The following SYTL2 variants were observed in gnomAD, a reference collection of about 807,000 sequenced individuals.
SYTL2 encodes the protein synaptotagmin-like protein 2.
SYTL2 carries 165 observed loss-of-function variants against 198.7 expected under a neutral mutation model. The ratio of observed to expected loss-of-function variants is 0.83; its 90% CI spans 0.73 to 0.94. SYTL2 has a LOEUF of 0.94. Ranked by LOEUF, SYTL2 falls within the 40% of genes least tolerant of loss-of-function variation. The probability of loss-of-function intolerance (pLI) is 0.00; values close to 1 mark genes in which losing one functional copy is unlikely to be tolerated. For missense variants in SYTL2, 2,835 were observed against 2,582.8 expected, an observed-to-expected ratio of 1.10 and a Z score of -2.12; for synonymous variants, 966 against 917.7, an observed-to-expected ratio of 1.05 and a Z score of -0.95.
chr11:85,737,561 T>A lies in SYTL2; in HGVS notation c.471+14A>T, dbSNP rs899217802. 1.2e-6 allele frequency: 2 copies of A among 1,602,810 alleles called. No homozygotes were observed. Among genetic ancestry groups the A allele is most frequent in the African/African-American group, 2.7e-5 (2 of 74,644 alleles). On this transcript the variant is annotated intron_variant, in intron 5 of 19. Coordinates refer to ENST00000359152, the MANE Select transcript of SYTL2 (RefSeq NM_206927.4). ...TAACAAATACAAGATTTTCAAAATC[T>A]GGGCTCAGTCTACCTTCTCTGGAGA...
chr11:85,705,808 T>A (rs1268311708), intron 15 of SYTL2, among the ~76,000 whole-genome samples: 1 of 152,190 alleles, frequency 6.6e-6, no homozygotes, highest in African/African-American at 2.4e-5. Flanking sequence ...TTCCTGAGTA[T>A]AGGGTTGAAG....
At chr11:85,837,226 A>G in the SYTL2 span, among the ~76,000 whole-genome samples, 1 of 152,190 alleles carries the variant, frequency 6.6e-6, no homozygotes, top group African/African-American at 2.4e-5. Flanking sequence ...CCACAATGTG[A>G]TTGTATTTTG....
chr11:85,842,220 C>T, the SYTL2 span, among the ~76,000 whole-genome samples: 2 of 152,164 alleles, frequency 1.3e-5, no homozygotes, highest in African/African-American at 2.4e-5. Flanking sequence ...TGCCCATATC[C>T]CCTCAGCATT....
the SYTL2 span, among the ~76,000 whole-genome samples, chr11:85,842,961 T>C: frequency 3.9e-5 from 6 of 152,110 alleles, no homozygotes; most frequent in Non-Finnish European, 7.4e-5. Context: ...TGGATGAAAA[T>C]TAATGACTCG....
intron 2 of SYTL2, among the ~76,000 whole-genome samples, chr11:85,752,498 T>C (rs890730589): frequency 3.3e-5 from 5 of 152,182 alleles, no homozygotes; most frequent in Admixed American, 1.3e-4. Context: ...CTAAGATGGC[T>C]GTCACACTTC....
chr11:85,769,501 A>G (rs2153576044), intron 1 of SYTL2, among the ~76,000 whole-genome samples: 1 of 152,328 alleles, frequency 6.6e-6, no homozygotes, highest in South Asian at 2.1e-4. Context: ...TGATCTCTTG[A>G]TTTTAGCCTG....
At chr11:85,743,573 G>C (rs2090950181) in intron 4 of SYTL2, among the ~76,000 whole-genome samples, 1 of 152,144 alleles carries the variant, frequency 6.6e-6, no homozygotes, top group African/African-American at 2.4e-5. Flanking sequence ...AGGAAATTCT[G>C]TTCTGATTTA....
At chr11:85,721,623 C>T (rs2153455642) in intron 8 of SYTL2, among the ~76,000 whole-genome samples, 1 of 152,214 alleles carries the variant, frequency 6.6e-6, no homozygotes, top group East Asian at 1.9e-4. Context: ...TTTATTACTG[C>T]TGTATTCTCA....
At chr11:85,814,291 G>T (rs904773475), upstream of SYTL2, among the ~76,000 whole-genome samples, 7 of 152,270 alleles carry the variant, frequency 4.6e-5, no homozygotes, top group Non-Finnish European at 8.8e-5. Context: ...ATCTACCTTG[G>T]TCACATTTGA....
chr11:85,735,652 A>C (rs943364394), intron 6 of SYTL2, among the ~76,000 whole-genome samples: 1 of 152,000 alleles, frequency 6.6e-6, no homozygotes, highest in Non-Finnish European at 1.5e-5. Flanking sequence ...AGCTACTCAG[A>C]AGGCTGAGGC....
chr11:85,699,437 G>A (rs1429967662), intron 17 of SYTL2, among the ~76,000 whole-genome samples: 1 of 152,166 alleles, frequency 6.6e-6, no homozygotes, highest in Non-Finnish European at 1.5e-5. Flanking sequence ...TATGAATGTT[G>A]ACTTTAAATG....
chr11:85,762,539 A>G (rs916395163), intron 1 of SYTL2, among the ~76,000 whole-genome samples: 1 of 152,190 alleles, frequency 6.6e-6, no homozygotes, highest in African/African-American at 2.4e-5. Context: ...AAAATCCTTA[A>G]GCGGCCTGTA....
In SYTL2 at chr11:85,700,518, G is replaced by A. The variant is rs1403164799; in HGVS notation, c.6265C>T (p.Pro2089Ser). ...TGAATAGAAAGTCATTACATACCAG[G>A]GACTGGCTCTGGGACATACTGGAGA... ...LALQYVPEPVPGKKLPTTGEV... is the reference protein window; with the variant it reads ...LALQYVPEPVSGKKLPTTGEV... Residue 2089 changes from proline to serine, a missense_variant, in exon 17 of 20, where the codon CCT becomes TCT. Around this residue, in one of 3 missense-constraint regions of SYTL2, gnomAD observed 185 missense variants for 182.1 expected, o/e 1.02. Transcript: ENST00000359152. 8.1e-6 allele frequency: 13 copies of A among 1,610,830 alleles called. No individual in the cohort carries two copies. Among genetic ancestry groups the A allele is most frequent in the Non-Finnish European group, 1.1e-5 (13 of 1,177,072 alleles).
At chr11:85,816,651 T>G in the SYTL2 span, among the ~76,000 whole-genome samples, 2 of 152,214 alleles carry the variant, frequency 1.3e-5, no homozygotes, top group African/African-American at 4.8e-5. Context: ...GGCTCACGCC[T>G]GTAATACCAA....
chr11:85,772,939 A>G (rs2153582080), intron 1 of SYTL2, among the ~76,000 whole-genome samples: 1 of 152,334 alleles, frequency 6.6e-6, no homozygotes, highest in East Asian at 1.9e-4. Context: ...TGCTGGGGTC[A>G]TTAGCCCAAA....
intron 10 of SYTL2, 68 bp downstream of exon 10, chr11:85,718,722 C>G: frequency 6.8e-7 from 1 of 1,481,312 alleles, no homozygotes; most frequent in Non-Finnish European, 9.4e-7. Flanking sequence ...AGCTGCGTCC[C>G]GGAGACTGCC....
chr11:85,812,983 C>A (rs116524868), upstream of SYTL2, among the ~76,000 whole-genome samples: 617 of 152,292 alleles, frequency 4.1e-3, 5 homozygotes, highest in African/African-American at 0.014. Context: ...CTGGGTCTTG[C>A]TCACCTCTGG....
intron 16 of SYTL2, among the ~76,000 whole-genome samples, chr11:85,703,155 A>G (rs1050158858): frequency 1.3e-5 from 2 of 152,178 alleles, no homozygotes; most frequent in African/African-American, 4.8e-5. Context: ...ATAAAAAGGT[A>G]TAACATACTT....
the SYTL2 span, chr11:85,854,310 G>A: frequency 6.7e-6 from 1 of 149,180 alleles, no homozygotes; most frequent in Non-Finnish European, 1.5e-5. Context: ...AAAGTTGTCC[G>A]TTCAAAGCCA....
Sources: gnomAD v4.1 joint callset for allele counts (sites outside exome capture counted in the v4.1 genomes callset) on GRCh38, gnomAD v4.1.1 for gene constraint, gnomAD v4.1.1 regional missense constraint, MANE v1.5 for transcripts, NCBI Gene and HGNC (gene_info 2026-07-23, HGNC 2026-07-21) for gene names.